The following WDR3 variants were observed in gnomAD, a reference collection of about 807,000 sequenced individuals.
WDR3 encodes the protein WD repeat domain 3.
A neutral mutation model predicts 123.7 loss-of-function variants in WDR3; 81 were observed. The observed-to-expected ratio is 0.65, with a 90% CI of 0.55 to 0.79. The LOEUF (loss-of-function observed/expected upper bound fraction) is 0.79, where lower values mean the gene tolerates loss of function less well. WDR3 is among the 30% of genes least tolerant of loss of function. WDR3 has a pLI of 0.00. For synonymous variants in WDR3, 390 were observed against 388.8 expected (o/e 1.00, Z -0.04); for missense variants, 1,027 against 1,123.2 (o/e 0.91, Z 1.22).
Position 117,952,660 on chromosome 1 carries a change from A to G in WDR3, c.2149A>G (p.Met717Val), listed in dbSNP as rs768048229. ...TCTTATTCTTGAGGAAGAAAGGGAGATGGTAAGAACTTTAGGCTTGGTTAC... is the reference window on the plus strand; with the variant it reads ...TCTTATTCTTGAGGAAGAAAGGGAGGTGGTAAGAACTTTAGGCTTGGTTAC... ...EPLILEEEREMEREAEYEESV... is the reference protein window; with the variant it reads ...EPLILEEEREVEREAEYEESV... Residue 717 changes from methionine to valine, a missense_variant and splice_region_variant, in exon 19 of 27, where the codon ATG becomes GTG. Physicochemically the swap from Met to Val is conservative, Grantham distance 21 (BLOSUM62 1). Coordinates refer to ENST00000349139, the MANE Select transcript of WDR3 (RefSeq NM_006784.3). 1.9e-6 allele frequency: 3 copies of G among 1,611,794 alleles called. No individual in the cohort carries two copies. The highest frequency in any genetic ancestry group is 2.7e-5 in the African/African-American group (2 of 74,746).
intron 23 of WDR3, 87 bp downstream of exon 23, chr1:117,954,714 G>A (rs1571029021): frequency 7.5e-7 from 1 of 1,342,240 alleles, no homozygotes; most frequent in Admixed American, 2.0e-5. Flanking sequence ...TATGATTTGG[G>A]GATGGATTAT....
chr1:117,938,135 G>T (rs112972557), intron 4 of WDR3, among the ~76,000 whole-genome samples: 14 of 152,248 alleles, frequency 9.2e-5, no homozygotes, highest in African/African-American at 3.1e-4. Context: ...GAGTGGGAGC[G>T]GTCTAAGATG....
intron 13 of WDR3, among the ~76,000 whole-genome samples, chr1:117,949,390 C>T (rs555319131): frequency 2.1e-4 from 32 of 152,248 alleles, no homozygotes; most frequent in Non-Finnish European, 4.1e-4. Context: ...CATTGCAGGA[C>T]TAAATTTATA....
At chr1:117,954,333 C>G (rs1320866785) in intron 22 of WDR3, among the ~76,000 whole-genome samples, 2 of 151,936 alleles carry the variant, frequency 1.3e-5, no homozygotes, top group African/African-American at 4.8e-5. Flanking sequence ...GAGTAGAAAC[C>G]CACGTTCTAT....
Position 117,933,032 on chromosome 1 carries a change from T to TG in WDR3, c.-32-256_-32-255insG, listed in dbSNP as rs1416209281. 3.7e-3 allele frequency among the ~76,000 whole-genome samples: 340 copies of TG among 92,840 alleles called. 1 individual carries two copies. The highest frequency in any genetic ancestry group is 0.013 in the Middle Eastern group (2 of 160). 60.9% of individuals were successfully genotyped at this position (92,840 alleles called of 152,430 possible). On this transcript the variant is annotated intron_variant, in intron 1 of 26. Coordinates refer to ENST00000349139, the MANE Select transcript of WDR3 (RefSeq NM_006784.3). ...CAATATGGTGAAACCCCATCTCTAC[T>TG]AAAAAAAAAAAAAAAAAAAAAATTA...
chr1:117,948,373 A>G, intron 12 of WDR3, 32 bp from the exon 13 acceptor site: 1 of 1,593,068 alleles, frequency 6.3e-7, no homozygotes. Flanking sequence ...ACGTATGTTC[A>G]TTGGAGCTGT....
At position 117,951,992 on chromosome 1, in the gene WDR3, C is replaced by T. The variant is rs750070486; in HGVS notation, c.1820C>T (p.Ala607Val). The T allele has an allele frequency of 1.2e-6, 2 of 1,613,180 alleles. No individual in the cohort carries two copies. The highest frequency in any genetic ancestry group is 1.7e-6 in the Non-Finnish European group (2 of 1,179,324). ...MDISHDGALI[A>V]TGSADRNVKI... is the part of the protein sequence containing the mutation. ...TTCTCATAGGATGGAGCACTCATAG[C>T]AACTGGCTCCGCTGATAGGAATGTG... The change falls in exon 17 of 27, where the codon GCA (alanine) becomes GTA (valine). Residue 607 changes from alanine to valine, a missense_variant. Ala to Val is a moderately conservative substitution (Grantham distance 64). Transcript: ENST00000349139.
At chr1:117,953,419 C>A in intron 20 of WDR3, 57 bp from the exon 21 acceptor site, 1 of 1,529,736 alleles carries the variant, frequency 6.5e-7, no homozygotes, top group Non-Finnish European at 9.0e-7. Flanking sequence ...ATTAATTTAT[C>A]AGCTCTTTAA....
chr1:117,930,653 T>A (rs1650678544), intron 1 of WDR3, among the ~76,000 whole-genome samples: 1 of 152,074 alleles, frequency 6.6e-6, no homozygotes, highest in Middle Eastern at 3.2e-3. Flanking sequence ...AGGTGGAAAA[T>A]CAGTGCAGTA....
At chr1:117,953,095 G>A in intron 20 of WDR3, 99 bp downstream of exon 20, 1 of 1,367,658 alleles carries the variant, frequency 7.3e-7, no homozygotes, top group Non-Finnish European at 1.0e-6. Flanking sequence ...TTAAAATTGA[G>A]GCTAGAAGTT....
chr1:117,930,730 C>T (rs1052584811), intron 1 of WDR3, among the ~76,000 whole-genome samples: 1 of 152,156 alleles, frequency 6.6e-6, no homozygotes, highest in Non-Finnish European at 1.5e-5. Context: ...GAGTAACAGT[C>T]AGGTGGAATT....
chr1:117,943,367 A>G (rs1417726219), intron 10 of WDR3, 29 bp from the exon 11 acceptor site: 2 of 1,572,622 alleles, frequency 1.3e-6, no homozygotes, highest in East Asian at 2.3e-5. Context: ...GATGGTAGCT[A>G]GAACATTTAT....
At chr1:117,948,591 G>GTTTT in intron 13 of WDR3, 85 bp downstream of exon 13, 1 of 806,676 alleles carries the variant, frequency 1.2e-6, no homozygotes, top group Non-Finnish European at 1.8e-6. Flanking sequence ...GAAAGCCTGA[G>GTTTT]GTTTTTTTTT....
intron 11 of WDR3, 97 bp downstream of exon 11, chr1:117,943,723 T>A: frequency 9.7e-7 from 1 of 1,027,844 alleles, no homozygotes; most frequent in Non-Finnish European, 1.4e-6. Flanking sequence ...CTTAAGGCCC[T>A]AAATACAATT....
intron 16 of WDR3, among the ~76,000 whole-genome samples, chr1:117,951,257 C>T (rs555593489): frequency 1.3e-4 from 20 of 151,718 alleles, no homozygotes; most frequent in South Asian, 6.2e-4. Flanking sequence ...CTGAGGAGCT[C>T]GGATTTATAT....
rs770451204 is a variant in WDR3 at position 117,949,988 on chromosome 1, G to C, written c.1611-7G>C. 1 of 1,613,372 alleles carries C rather than the reference G, an allele frequency of 6.2e-7. No homozygotes were observed. Among genetic ancestry groups the C allele is most frequent in the South Asian group, 1.1e-5 (1 of 91,014 alleles). ...TTATTTTTTCTTGATGTTTTTTGTG[G>C]TGCTAGACTTTCTGTGAAGCAAACC... On this transcript the variant is annotated splice_region_variant and splice_polypyrimidine_tract_variant and intron_variant, in intron 14 of 26. Coordinates refer to ENST00000349139, the MANE Select transcript of WDR3 (RefSeq NM_006784.3).
In WDR3 at chr1:117,965,276, T is replaced by A. The variant is rs1653680943; in HGVS notation, c.*5829T>A. The A allele has an allele frequency of 6.6e-6, 1 of 152,190 alleles. No individual in the cohort carries two copies. The highest frequency in any genetic ancestry group is 1.5e-5 in the Non-Finnish European group (1 of 68,038). The allele number at this position is 152,190 out of a possible 1,614,324, so 9.4% of individuals were successfully genotyped here. On this transcript the variant is annotated 3_prime_UTR_variant, in exon 27 of 27. Coordinates refer to ENST00000349139, the MANE Select transcript of WDR3 (RefSeq NM_006784.3). ...GAAATTCTTCCTAAGGCTTTTGAAG[T>A]ATTTCACCATTTTCTAATTGCTGCT... is the stretch of plus-strand genomic sequence containing the variant.
chr1:117,938,946 CTG>C (rs1326706337), intron 5 of WDR3, among the ~76,000 whole-genome samples: 5 of 152,164 alleles, frequency 3.3e-5, no homozygotes, highest in Non-Finnish European at 7.4e-5. Flanking sequence ...AGTTCAGGGA[CTG>C]TTTTTTATAT....
chr1:117,933,330 C>T lies in WDR3; in HGVS notation c.11C>T (p.Thr4Ile). MGL[T>I]KQYLRYVASA... is the part of the protein sequence containing the mutation. ...ATCAGACATCACAACATGGGGCTCA[C>T]CAAGCAGTACCTACGCTATGTTGCT... Residue 4 changes from threonine (T) to isoleucine (I), a missense_variant, in exon 2 of 27, where the codon ACC (threonine) becomes ATC (isoleucine). Thr to Ile is a moderately conservative substitution (Grantham distance 89). Transcript: ENST00000349139. The T allele has an allele frequency of 6.2e-7, 1 of 1,614,078 alleles. No homozygotes were observed. The highest frequency in any genetic ancestry group is 8.5e-7 in the Non-Finnish European group (1 of 1,179,954).
Sources: gnomAD v4.1 joint callset for allele counts (sites outside exome capture counted in the v4.1 genomes callset) on GRCh38, gnomAD v4.1.1 for gene constraint, MANE v1.5 for transcripts, NCBI Gene and HGNC (gene_info 2026-07-23, HGNC 2026-07-21) for gene names.